DCC: variants seen among roughly 807,000 people sequenced by gnomAD.
DCC encodes netrin receptor DCC.
In DCC, 58 loss-of-function variants were observed where a neutral mutation model predicts 172.5. That is an observed-to-expected ratio of 0.34 (90% CI 0.27 to 0.42). The LOEUF (loss-of-function observed/expected upper bound fraction) is 0.42, where lower values mean the gene tolerates loss of function less well. DCC is among the 10% of genes least tolerant of loss of function. The probability of loss-of-function intolerance (pLI) is 1.00; values close to 1 mark genes in which losing one functional copy is unlikely to be tolerated. For missense variants in DCC, 1,740 were observed against 1,791.0 expected (o/e 0.97, Z 0.51); for synonymous variants, 709 against 644.5 (o/e 1.10, Z -1.52).
At chr18:52,748,216 G>C (rs1568079322) in intron 1 of DCC, among the ~76,000 whole-genome samples, 1 of 152,232 alleles carries the variant, frequency 6.6e-6, no homozygotes, top group South Asian at 2.1e-4. Context: ...TGAGGCGGCA[G>C]CTGGACCAGG....
In DCC at chr18:52,710,051, G is replaced by T. The variant is rs150688477; in HGVS notation, c.92-42003G>T. Among the ~76,000 whole-genome samples the T allele has an allele frequency of 2.8e-3, 432 of 152,306 alleles. 3 individuals are homozygous for T. Among genetic ancestry groups the T allele is most frequent in the African/African-American group, 9.9e-3 (411 of 41,568 alleles). ...AAATCAATTTGGCAATTTTTTAAAGGTCTTAAAAGTGTTTGCTATCCTCCA... is the reference window on the plus strand; with the variant it reads ...AAATCAATTTGGCAATTTTTTAAAGTTCTTAAAAGTGTTTGCTATCCTCCA... On this transcript the variant is annotated intron_variant, in intron 1 of 28. Coordinates refer to ENST00000442544, the MANE Select transcript of DCC (RefSeq NM_005215.4).
intron 7 of DCC, among the ~76,000 whole-genome samples, chr18:53,145,174 G>C (rs969504475): frequency 7.0e-6 from 1 of 142,328 alleles, no homozygotes; most frequent in South Asian, 2.3e-4. Context: ...GAGTGCAGTG[G>C]CGCGATCTCG....
At chr18:52,408,438 C>T (rs190688361) in intron 1 of DCC, among the ~76,000 whole-genome samples, 22 of 152,012 alleles carry the variant, frequency 1.4e-4, no homozygotes, top group African/African-American at 5.3e-4. Context: ...TGAAATTATA[C>T]ATTTTGAATT....
At chr18:53,064,184 G>A (rs1255571555) in intron 6 of DCC, among the ~76,000 whole-genome samples, 1 of 152,080 alleles carries the variant, frequency 6.6e-6, no homozygotes, top group Non-Finnish European at 1.5e-5. Context: ...TGAGTTGTTG[G>A]CCTGGTACAC....
intron 1 of DCC, among the ~76,000 whole-genome samples, chr18:52,453,171 C>T (rs184930329): frequency 3.3e-5 from 5 of 152,234 alleles, no homozygotes; most frequent in Admixed American, 1.3e-4. Context: ...TAGAACATGA[C>T]GTATTATATC....
chr18:53,456,176 A>T (rs2045480359), intron 23 of DCC, among the ~76,000 whole-genome samples: 1 of 152,222 alleles, frequency 6.6e-6, no homozygotes, highest in African/African-American at 2.4e-5. Flanking sequence ...GGTTCCCTGA[A>T]GGAGAGAGTC....
At chr18:53,522,014 G>A (rs780997947) in intron 27 of DCC, among the ~76,000 whole-genome samples, 11 of 152,068 alleles carry the variant, frequency 7.2e-5, no homozygotes, top group Non-Finnish European at 1.3e-4. Context: ...CATTCTTGAA[G>A]GGCATACAAA....
intron 27 of DCC, among the ~76,000 whole-genome samples, chr18:53,509,030 T>A (rs774982641): frequency 1.1e-4 from 16 of 152,214 alleles, no homozygotes; most frequent in Non-Finnish European, 2.4e-4. Context: ...TCATAAATAC[T>A]GCATCTCCCG....
chr18:52,349,165 T>A (rs749714634), intron 1 of DCC, among the ~76,000 whole-genome samples: 1 of 150,830 alleles, frequency 6.6e-6, no homozygotes, highest in Non-Finnish European at 1.5e-5. Flanking sequence ...AACAAACGTA[T>A]GTGCTTTGTG....
intron 1 of DCC, among the ~76,000 whole-genome samples, chr18:52,423,551 GAA>G (rs201656394): frequency 2.3e-4 from 33 of 140,456 alleles, no homozygotes; most frequent in Admixed American, 2.2e-3. Flanking sequence ...TCTCCTGTCA[GAA>G]AAAAAAAAAA....
intron 2 of DCC, among the ~76,000 whole-genome samples, chr18:52,827,914 G>T (rs1302163478): frequency 6.6e-6 from 1 of 152,070 alleles, no homozygotes; most frequent in East Asian, 1.9e-4. Context: ...CTCCAACTCA[G>T]GTCTGTGCTT....
chr18:52,656,894 C>A (rs2035264794), intron 1 of DCC, among the ~76,000 whole-genome samples: 2 of 152,042 alleles, frequency 1.3e-5, no homozygotes, highest in South Asian at 4.2e-4. Context: ...ACATATGTCC[C>A]CACCCAGATG....
At chr18:52,917,137 CA>C (rs146388621) in intron 3 of DCC, among the ~76,000 whole-genome samples, 2,141 of 94,778 alleles carry the variant, frequency 0.023, 37 homozygotes, top group African/African-American at 0.055. Flanking sequence ...AAAAAGAAAA[CA>C]AAAAAAAAAA....
intron 12 of DCC, among the ~76,000 whole-genome samples, chr18:53,221,719 A>G (rs937586991): frequency 1.3e-5 from 2 of 152,198 alleles, no homozygotes; most frequent in South Asian, 4.1e-4. Flanking sequence ...TGCTTCATTT[A>G]ATTGAGAAAT....
At chr18:53,265,215 C>T (rs2056658850) in intron 12 of DCC, among the ~76,000 whole-genome samples, 1 of 152,192 alleles carries the variant, frequency 6.6e-6, no homozygotes, top group African/African-American at 2.4e-5. Flanking sequence ...CAGCACTAAG[C>T]TCTCTTAGCT....
At chr18:52,494,921 G>A (rs180832044) in intron 1 of DCC, among the ~76,000 whole-genome samples, 3 of 152,096 alleles carry the variant, frequency 2.0e-5, no homozygotes, top group South Asian at 2.1e-4. Context: ...AGATTATTGA[G>A]CATCCACTGT....
intron 1 of DCC, among the ~76,000 whole-genome samples, chr18:52,689,120 A>T (rs995800265): frequency 3.3e-5 from 5 of 152,170 alleles, no homozygotes; most frequent in African/African-American, 9.6e-5. Flanking sequence ...TTAGCCATCA[A>T]TTGGCAAGCA....
At chr18:53,138,987 T>C (rs1462989849) in intron 7 of DCC, among the ~76,000 whole-genome samples, 1 of 152,238 alleles carries the variant, frequency 6.6e-6, no homozygotes, top group Admixed American at 6.5e-5. Flanking sequence ...CTATATACAC[T>C]ATGATTACAT....
chr18:53,163,803 A>G (rs2054878050), intron 8 of DCC, among the ~76,000 whole-genome samples: 1 of 152,240 alleles, frequency 6.6e-6, no homozygotes, highest in South Asian at 2.1e-4. Context: ...CTTTGAGATC[A>G]TAGTCTAACT....
Sources: allele counts gnomAD v4.1 joint callset (sites outside exome capture counted in the v4.1 genomes callset), GRCh38; gene constraint gnomAD v4.1.1; transcripts MANE v1.5; gene names NCBI Gene and HGNC (gene_info 2026-07-23, HGNC 2026-07-21).